Variants in NIN observed in about 807,000 individuals in gnomAD.
NIN encodes the protein glycogen synthase kinase 3 beta-interacting protein.
A neutral mutation model predicts 257.6 loss-of-function variants in NIN; 137 were observed. The ratio of observed to expected loss-of-function variants is 0.53; its 90% CI spans 0.46 to 0.61. The LOEUF is 0.61. Among genes scored for constraint, NIN ranks in the 20% least tolerant of loss-of-function variants. The pLI is 0.00. For missense variants in NIN, 2,439 were observed against 2,501.2 expected (o/e 0.98, Z 0.53); for synonymous variants, 918 against 919.8 (o/e 1.00, Z 0.04).
chr14:50,753,732 C>A (rs1308060028), intron 20 of NIN, among the ~76,000 whole-genome samples: 5 of 152,092 alleles, frequency 3.3e-5, no homozygotes, highest in Non-Finnish European at 5.9e-5. Context: ...ATAATCCTAA[C>A]AACAATGCAT....
At chr14:50,748,898 T>C (rs1357478795) in intron 21 of NIN, among the ~76,000 whole-genome samples, 1 of 152,236 alleles carries the variant, frequency 6.6e-6, no homozygotes, top group Non-Finnish European at 1.5e-5. Flanking sequence ...AAGTAATTTA[T>C]AGATTCGGTG....
chr14:50,734,999 C>A (rs1442228777), intron 28 of NIN, among the ~76,000 whole-genome samples: 1 of 152,074 alleles, frequency 6.6e-6, no homozygotes, highest in Non-Finnish European at 1.5e-5. Context: ...AATACATTTT[C>A]ATAGTGATCA....
intron 3 of NIN, among the ~76,000 whole-genome samples, chr14:50,815,901 C>T (rs1029592777): frequency 5.3e-5 from 8 of 152,030 alleles, no homozygotes; most frequent in Non-Finnish European, 1.2e-4. Context: ...CCCAGCTACT[C>T]GGGAGGCTGA....
chr14:50,750,196 A>G (rs1042701088), intron 21 of NIN, among the ~76,000 whole-genome samples: 5 of 151,996 alleles, frequency 3.3e-5, no homozygotes, highest in African/African-American at 1.2e-4. Context: ...CCCCAGCCCT[A>G]GAATCAATCA....
At chr14:50,771,854 G>A in intron 9 of NIN, 2 of 192,210 alleles carry the variant, frequency 1.0e-5, no homozygotes, top group Non-Finnish European at 1.1e-5. Context: ...GCATGGTGGT[G>A]TGCGCCTGTA....
At position 50,770,839 on chromosome 14, in the gene NIN, C is replaced by G. The variant is rs755468803; in HGVS notation, c.1259+13G>C. The G allele has an allele frequency of 1.2e-6, 2 of 1,609,840 alleles. No homozygotes were observed. Among genetic ancestry groups the G allele is most frequent in the Non-Finnish European group, 1.7e-6 (2 of 1,178,120 alleles). Reference sequence around the variant, plus strand: ...GTGGTGGGTGAGGAGGAGCCTCACTCTGCTGGCCTCACCTGAGGTTGTACT... The same window carrying G: ...GTGGTGGGTGAGGAGGAGCCTCACTGTGCTGGCCTCACCTGAGGTTGTACT... On this transcript the variant is annotated intron_variant, in intron 11 of 30. Coordinates refer to ENST00000530997, the MANE Select transcript of NIN (RefSeq NM_020921.4).
rs2044343520 is a variant in NIN at position 50,806,704 on chromosome 14, G to C, written c.265+33C>G. ...ATTCTTCCCCGGACAACTTTTAAAG[G>C]GGAAGGCAGAGAAGAGAAGTGAGTG... On this transcript the variant is annotated intron_variant, in intron 4 of 30. Coordinates refer to ENST00000530997, the MANE Select transcript of NIN (RefSeq NM_020921.4). 8 of 1,228,574 alleles carry C rather than the reference G, an allele frequency of 6.5e-6. No homozygotes were observed. In the East Asian group the frequency reaches 1.7e-4, roughly 26 times the overall value. The allele number at this position is 1,228,574 out of a possible 1,614,324, so 76.1% of individuals were successfully genotyped here.
At position 50,729,698 on chromosome 14, in the gene NIN, G is replaced by C; in HGVS notation, c.5903C>G (p.Thr1968Arg). 6.2e-7 allele frequency: 1 copy of C among 1,609,916 alleles called. No individual in the cohort carries two copies. The highest frequency in any genetic ancestry group is 8.5e-7 in the Non-Finnish European group (1 of 1,178,060). The stretch of plus-strand genomic sequence containing the variant: ...CCAAGCATGAGGGGACGGGCTAGGC[G>C]TCGCAGTGGACCTCAGGTGCTGCAT... ...MEMQHLRSTA[T>R]PSPSPHAWDL... The change falls in exon 29 of 31, where the codon ACG (threonine) becomes AGG (arginine). Residue 1968 changes from threonine to arginine, a missense_variant. Physicochemically the swap from Thr to Arg is moderately conservative, Grantham distance 71 (BLOSUM62 -1). Coordinates refer to ENST00000530997, the MANE Select transcript of NIN (RefSeq NM_020921.4).
chr14:50,786,210 A>T (rs1415367003), intron 5 of NIN, among the ~76,000 whole-genome samples: 1 of 152,242 alleles, frequency 6.6e-6, no homozygotes, highest in African/African-American at 2.4e-5. Flanking sequence ...AAGAGATTTT[A>T]AAAAATACCT....
In NIN at chr14:50,770,509, C is replaced by T. The variant is rs188064359; in HGVS notation, c.1313G>A (p.Arg438Gln). The T allele has an allele frequency of 1.1e-4, 184 of 1,614,074 alleles. No homozygotes were observed. In the East Asian group the frequency reaches 2.5e-3, roughly 22 times the overall value. ...ERIAALKNEL[R>Q]KEREQILQQA... ...CTGCAGGATCTGCTCTCTCTCTTTT[C>T]GGAGTTCATTTTTTAAGGCTGCTAT... is the stretch of plus-strand genomic sequence containing the variant. The change falls in exon 12 of 31, where the codon CGA (arginine) becomes CAA (glutamine). Residue 438 changes from arginine to glutamine, a missense_variant. This residue lies in a region of NIN where 2,043 missense variants were observed against 2,050.2 expected (regional missense o/e 1.00). Transcript: ENST00000530997.
At chr14:50,763,365 C>G (rs2042346336) in intron 15 of NIN, among the ~76,000 whole-genome samples, 1 of 152,220 alleles carries the variant, frequency 6.6e-6, no homozygotes, top group Admixed American at 6.5e-5. Context: ...TCTGCTGAGG[C>G]AATACAGACA....
At chr14:50,742,514 C>G (rs1038380417) in intron 24 of NIN, 2 of 152,550 alleles carry the variant, frequency 1.3e-5, no homozygotes, top group Non-Finnish European at 2.9e-5. Flanking sequence ...CTGCCTCAGC[C>G]TCCCCAGTAG....
Position 50,757,945 on chromosome 14 carries a change from G to C in NIN, c.3085C>G (p.Leu1029Val), listed in dbSNP as rs1273026472. 6.2e-7 allele frequency: 1 copy of C among 1,613,778 alleles called. No individual in the cohort carries two copies. Among genetic ancestry groups the C allele is most frequent in the Admixed American group, 1.7e-5 (1 of 60,026 alleles). The part of the protein sequence containing the change: ...IKEMQQATSP[L>V]SMLQSGCQVI... ...TGGCAACCACTCTGAAGCATTGAGA[G>C]AGGAGATGTTGCCTGCTGCATTTCC... The change falls in exon 18 of 31, where the codon CTC (leucine) becomes GTC (valine). Residue 1029 changes from leucine (L) to valine (V), a missense_variant. Physicochemically the swap from Leu to Val is conservative, Grantham distance 32. This residue lies in a region of NIN where 2,043 missense variants were observed against 2,050.2 expected (regional missense o/e 1.00). Coordinates refer to ENST00000530997, the MANE Select transcript of NIN (RefSeq NM_020921.4).
At chr14:50,766,553 C>T (rs1384839501) in intron 13 of NIN, among the ~76,000 whole-genome samples, 157 bp from the exon 14 acceptor site, 9 of 152,166 alleles carry the variant, frequency 5.9e-5, no homozygotes, top group South Asian at 2.1e-4. Context: ...ATGGGGAGAA[C>T]GCACTAGAGT....
chr14:50,772,103 G>A (rs2042760428), intron 9 of NIN, 198 bp downstream of exon 9: 1 of 489,776 alleles, frequency 2.0e-6, no homozygotes, highest in Non-Finnish European at 3.7e-6. Flanking sequence ...TAATCTGGGG[G>A]TTAAAAACAC....
intron 4 of NIN, among the ~76,000 whole-genome samples, chr14:50,796,076 G>C (rs2043825120): frequency 6.6e-6 from 1 of 152,242 alleles, no homozygotes; most frequent in African/African-American, 2.4e-5. Flanking sequence ...TTCCTTGAAA[G>C]TGTATTTATG....
At chr14:50,761,683 C>T (rs913720131) in intron 16 of NIN, 107 bp downstream of exon 16, 3 of 1,301,510 alleles carry the variant, frequency 2.3e-6, no homozygotes, top group African/African-American at 1.5e-5. Context: ...GGGTTCCCAA[C>T]ATAGAATGTG....
chr14:50,780,547 C>T (rs769135397), intron 5 of NIN, among the ~76,000 whole-genome samples: 2 of 152,212 alleles, frequency 1.3e-5, no homozygotes, highest in Non-Finnish European at 2.9e-5. Flanking sequence ...AGGCAACCTA[C>T]GCTCATCTAC....
At chr14:50,791,094 T>C (rs1027156233) in intron 5 of NIN, among the ~76,000 whole-genome samples, 1 of 152,242 alleles carries the variant, frequency 6.6e-6, no homozygotes, top group Non-Finnish European at 1.5e-5. Flanking sequence ...AACAAAAACT[T>C]ACCTGCTCAA....
Sources: gnomAD v4.1 joint callset for allele counts (sites outside exome capture counted in the v4.1 genomes callset) on GRCh38, gnomAD v4.1.1 for gene constraint, gnomAD v4.1.1 regional missense constraint, MANE v1.5 for transcripts, NCBI Gene and HGNC (gene_info 2026-07-23, HGNC 2026-07-21) for gene names.